Variants in EDA observed in about 807,000 individuals in gnomAD.
EDA encodes ectodysplasin-A.
In EDA, 2 loss-of-function variants were observed where a neutral mutation model predicts 23.6. That is an observed-to-expected ratio of 0.08 (90% CI 0.03 to 0.27). EDA has a LOEUF of 0.27. EDA is among the 10% of genes least tolerant of loss of function. EDA has a pLI of 1.00. For synonymous variants in EDA, 131 were observed against 132.0 expected, an observed-to-expected ratio of 0.99 and a Z score of 0.05; for missense variants, 229 against 324.2, an observed-to-expected ratio of 0.71 and a Z score of 2.26.
chrX:69,876,924 A>G (rs747623366), intron 1 of EDA, among the ~76,000 whole-genome samples: 5 of 112,737 alleles, frequency 4.4e-5, no homozygotes, highest in Non-Finnish European at 9.4e-5. Context: ...GTATAAACAT[A>G]ACATCATTTC....
At position 69,948,151 on chromosome X, in the gene EDA, G is replaced by A. The variant is rs183707654; in HGVS notation, c.397-8876G>A. 2.0e-3 allele frequency among the ~76,000 whole-genome samples: 222 copies of A among 112,117 alleles called. 1 individual carries two copies. The highest frequency in any genetic ancestry group is 1.7e-3 in the Non-Finnish European group (90 of 53,187). On this transcript the variant is annotated intron_variant, in intron 1 of 7. Transcript: ENST00000374552. ...GGGGATCTGTTCTGCCCCAAAATGG[G>A]ATCTAAGAAAAGCCAGAGATTGAAC...
At chrX:70,030,448 C>T in intron 5 of EDA, 21 bp from the exon 6 acceptor site, 2 of 1,193,606 alleles carry the variant, frequency 1.7e-6, no homozygotes, top group Non-Finnish European at 2.3e-6. Context: ...TGACTACTCT[C>T]TATCCTTCTC....
intron 1 of EDA, among the ~76,000 whole-genome samples, chrX:69,770,756 G>T (rs906130456): frequency 1.0e-5 from 1 of 95,521 alleles, no homozygotes; most frequent in Admixed American, 1.1e-4. Flanking sequence ...ACTTTTTTTT[G>T]ATAGATTAGG....
At chrX:69,776,237 A>G (rs769651552) in intron 1 of EDA, among the ~76,000 whole-genome samples, 32 of 112,045 alleles carry the variant, frequency 2.9e-4, no homozygotes, top group Middle Eastern at 4.6e-3. Flanking sequence ...CACATATGCC[A>G]TAGAATTATA....
In EDA at chrX:69,787,482, G is replaced by T. The variant is rs1483370004; in HGVS notation, c.397-169545G>T. Among the ~76,000 whole-genome samples the T allele has an allele frequency of 4.9e-4, 50 of 102,141 alleles. 2 individuals carry two copies. The highest frequency in any genetic ancestry group is 2.0e-5 in the Non-Finnish European group (1 of 49,189). 88.7% of individuals were successfully genotyped at this position (102,141 alleles called of 115,157 possible). ...TCCTTCAGTAGCTCTTTTAGGGCAG[G>T]CCTGGTGGTGACAAAATCTCTCAGC... On this transcript the variant is annotated intron_variant, in intron 1 of 7. Coordinates refer to ENST00000374552, the MANE Select transcript of EDA (RefSeq NM_001399.5).
chrX:69,741,077 C>T (rs867711642), intron 1 of EDA, among the ~76,000 whole-genome samples: 7 of 109,343 alleles, frequency 6.4e-5, no homozygotes, highest in East Asian at 2.9e-4. Flanking sequence ...GTATTTGATG[C>T]GGCATTGTTA....
At chrX:69,788,565 T>C (rs2015283259) in intron 1 of EDA, among the ~76,000 whole-genome samples, 1 of 111,773 alleles carries the variant, frequency 8.9e-6, no homozygotes, top group African/African-American at 3.3e-5. Context: ...GAGGTGTCAG[T>C]CTGCCCCTGC....
At chrX:69,816,612 T>A (rs2016087507) in intron 1 of EDA, among the ~76,000 whole-genome samples, 1 of 111,241 alleles carries the variant, frequency 9.0e-6, no homozygotes, top group Admixed American at 9.6e-5. Context: ...GCTTAAAGAC[T>A]ATCTTTCTGA....
At chrX:69,794,476 A>C (rs2015494519) in intron 1 of EDA, among the ~76,000 whole-genome samples, 1 of 112,503 alleles carries the variant, frequency 8.9e-6, no homozygotes, top group Non-Finnish European at 1.9e-5. Flanking sequence ...TATCTGAAAT[A>C]ATGTTAGGAC....
Position 69,957,110 on chromosome X carries a change from C to T in EDA, c.480C>T (p.Ser160=). 8.3e-7 allele frequency: 1 copy of T among 1,210,339 alleles called. No homozygotes were observed. The highest frequency in any genetic ancestry group is 1.1e-6 in the Non-Finnish European group (1 of 894,047). Residue 160 remains serine (S), a synonymous_variant, in exon 2 of 8, where the codon AGC becomes AGT. Transcript: ENST00000374552. The stretch of plus-strand genomic sequence containing the variant: ...GGCGTGTTCGCCGCAATAAAAGAAG[C>T]AAAAGCAATGAAGGAGCAGATGGTA... ...ESRRVRRNKR[S]KSNEGADGPV... is the part of the protein sequence containing the mutation.
At chrX:69,714,863 C>T (rs1473277980) in intron 1 of EDA, among the ~76,000 whole-genome samples, 2 of 110,024 alleles carry the variant, frequency 1.8e-5, no homozygotes, top group Non-Finnish European at 3.8e-5. Flanking sequence ...GTTGTTCTAC[C>T]TATTCTGGGG....
Position 69,957,069 on chromosome X carries a change from T to G in EDA, c.439T>G (p.Ser147Ala). Residue 147 changes from serine to alanine, a missense_variant, in exon 2 of 8, where the codon TCT (serine) becomes GCT (alanine). By Grantham distance (99) the Ser-to-Ala change is moderately conservative. Transcript: ENST00000374552. ...CTTCTTCCCTGATGAAAAGCCATACTCTGAAGAAGAAAGTAGGCGTGTTCG... is the reference window on the plus strand; with the variant it reads ...CTTCTTCCCTGATGAAAAGCCATACGCTGAAGAAGAAAGTAGGCGTGTTCG... ...NFFFPDEKPY[S>A]EEESRRVRRN... 1 of 1,211,809 alleles carries G rather than the reference T, an allele frequency of 8.3e-7. No homozygotes were observed.
At chrX:69,947,108 T>G (rs2018844196) in intron 1 of EDA, among the ~76,000 whole-genome samples, 1 of 112,381 alleles carries the variant, frequency 8.9e-6, no homozygotes, top group South Asian at 3.7e-4. Flanking sequence ...TCTCTTTATG[T>G]GCCAAAGCAC....
chrX:69,683,150 G>A (rs1934432221), intron 1 of EDA, among the ~76,000 whole-genome samples: 1 of 111,025 alleles, frequency 9.0e-6, no homozygotes, highest in Non-Finnish European at 1.9e-5. Flanking sequence ...CAAAAACAGT[G>A]CCTGACCAAC....
intron 1 of EDA, among the ~76,000 whole-genome samples, chrX:69,699,554 T>C (rs751979881): frequency 1.8e-5 from 2 of 111,469 alleles, no homozygotes; most frequent in African/African-American, 3.3e-5. Context: ...GATGGTTTTA[T>C]GCTTTTAAGA....
At chrX:69,878,715 GACACACACACACACACAC>G (rs61027280) in intron 1 of EDA, among the ~76,000 whole-genome samples, 13 of 99,104 alleles carry the variant, frequency 1.3e-4, no homozygotes, top group African/African-American at 4.1e-4. Context: ...CCTTCACCAA[GACACACACACACACACAC>G]ACACACACAC....
At chrX:69,975,767 T>C (rs1169426356) in intron 2 of EDA, among the ~76,000 whole-genome samples, 1 of 112,441 alleles carries the variant, frequency 8.9e-6, no homozygotes, top group Non-Finnish European at 1.9e-5. Flanking sequence ...ATCTCATTAA[T>C]ACACATCTAT....
At chrX:69,688,908 G>T (rs770910335) in intron 1 of EDA, among the ~76,000 whole-genome samples, 2 of 112,247 alleles carry the variant, frequency 1.8e-5, no homozygotes, top group South Asian at 7.4e-4. Context: ...TGTATGATAC[G>T]TGCTTTATTT....
intron 1 of EDA, among the ~76,000 whole-genome samples, chrX:69,787,902 C>A (rs1484075834): frequency 9.0e-6 from 1 of 111,727 alleles, no homozygotes; most frequent in Non-Finnish European, 1.9e-5. Context: ...AACTTGGCTC[C>A]ATTCTCCCCA....
Sources: allele counts gnomAD v4.1 joint callset (sites outside exome capture counted in the v4.1 genomes callset), GRCh38; gene constraint gnomAD v4.1.1; transcripts MANE v1.5; gene names NCBI Gene and HGNC (gene_info 2026-07-23, HGNC 2026-07-21).